Variants in PODXL2 observed in about 807,000 individuals in gnomAD.
PODXL2 encodes podocalyxin-like protein 2.
PODXL2 carries 17 observed loss-of-function variants against 53.4 expected under a neutral mutation model. The ratio of observed to expected loss-of-function variants is 0.32; its 90% CI spans 0.22 to 0.48. The LOEUF (loss-of-function observed/expected upper bound fraction) is 0.48. PODXL2 is among the 20% of genes least tolerant of loss of function. The pLI is 0.99. For missense variants in PODXL2, 673 were observed against 760.0 expected (o/e 0.89, Z 1.35); for synonymous variants, 311 against 306.7 (o/e 1.01, Z -0.15).
Position 127,672,417 on chromosome 3 carries a change from G to T in PODXL2, c.1755G>T (p.Ala585=). 1 of 1,541,962 alleles carries T rather than the reference G, an allele frequency of 6.5e-7. No individual in the cohort carries two copies. The change falls in exon 8 of 8, where the codon GCG becomes GCT. Residue 585 remains alanine, a synonymous_variant. Transcript: ENST00000342480. ...TCAACGGCCCGGGGAGCTGGGGGGC[G>T]CTCATGGGGGGCAAGCGGGACCCCG... The part of the protein sequence containing the change: ...GALNGPGSWG[A]LMGGKRDPED...
At chr3:127,649,294 A>G (rs763555219) in intron 2 of PODXL2, among the ~76,000 whole-genome samples, 3 of 152,224 alleles carry the variant, frequency 2.0e-5, no homozygotes, top group African/African-American at 7.2e-5. Flanking sequence ...TTCTTTGGGC[A>G]GTCCCCTGCC....
Position 127,653,047 on chromosome 3 carries a change from C to T in PODXL2, c.350-7331C>T, listed in dbSNP as rs139476608. Among the ~76,000 whole-genome samples the T allele has an allele frequency of 5.3e-3, 803 of 152,276 alleles. 5 individuals are homozygous for T. The highest frequency in any genetic ancestry group is 0.041 in the Middle Eastern group (12 of 294). The stretch of plus-strand genomic sequence containing the variant: ...TCTCCCTCCTTTTCCTGCTCAGCTT[C>T]ACTTCTTTGTTTCTCTTCTTCCATT... On this transcript the variant is annotated intron_variant, in intron 2 of 7. Transcript: ENST00000342480.
chr3:127,639,607 A>G lies in PODXL2; in HGVS notation c.349+84A>G. ...ACCAGGTGACCATTTCCTTGCCAGA[A>G]GCATCTCTTCTCTCTCCCTACAGTT... On this transcript the variant is annotated intron_variant, in intron 2 of 7. Transcript: ENST00000342480. 2.3e-6 allele frequency: 3 copies of G among 1,289,234 alleles called. No individual in the cohort carries two copies. The South Asian group carries it at 4.2e-5, about 18-fold the overall frequency. The allele number at this position is 1,289,234 out of a possible 1,614,324, so 79.9% of individuals were successfully genotyped here.
intron 4 of PODXL2, among the ~76,000 whole-genome samples, chr3:127,664,832 G>C (rs1483485573): frequency 6.6e-6 from 1 of 152,016 alleles, no homozygotes; most frequent in Non-Finnish European, 1.5e-5. Context: ...CTGATGATTG[G>C]TGATGTTGAG....
At chr3:127,640,974 G>A (rs979181592) in intron 2 of PODXL2, among the ~76,000 whole-genome samples, 4 of 152,080 alleles carry the variant, frequency 2.6e-5, no homozygotes, top group Admixed American at 1.3e-4. Context: ...GTGCAGTGGC[G>A]TGACCTTGGC....
chr3:127,649,756 G>A (rs2074677487), intron 2 of PODXL2, among the ~76,000 whole-genome samples: 2 of 152,192 alleles, frequency 1.3e-5, no homozygotes, highest in East Asian at 1.9e-4. Flanking sequence ...GGCCAACATG[G>A]TGAAACCCCG....
intron 2 of PODXL2, 72 bp downstream of exon 2, chr3:127,639,595 T>G (rs2074601525): frequency 7.2e-7 from 1 of 1,384,642 alleles, no homozygotes; most frequent in Admixed American, 2.2e-5. Context: ...AGGTGACCAT[T>G]TCCTTGCCAG....
At chr3:127,662,139 C>A in intron 3 of PODXL2, 98 bp from the exon 4 acceptor site, 2 of 997,624 alleles carry the variant, frequency 2.0e-6, no homozygotes, top group South Asian at 1.3e-5. Context: ...CTGGCCTCCA[C>A]CTTCCAGCTT....
At position 127,639,265 on chromosome 3, in the gene PODXL2, G is replaced by A; in HGVS notation, c.91G>A (p.Val31Met). Residue 31 changes from valine (V) to methionine (M), a missense_variant, in exon 2 of 8, where the codon GTG (valine) becomes ATG (methionine). Physicochemically the swap from Val to Met is conservative, Grantham distance 21 (BLOSUM62 1). Transcript: ENST00000342480. ...CACAGGAGCGTTCCTGGGTGCCTGT[G>A]TGGCTGGGTCTGATGAGCCTGGCCC... Reference protein sequence around the residue: ...LVGGAFLGACVAGSDEPGPEG... With the variant: ...LVGGAFLGACMAGSDEPGPEG... 1 of 1,607,976 alleles carries A rather than the reference G, an allele frequency of 6.2e-7. No homozygotes were observed. The highest frequency in any genetic ancestry group is 8.5e-7 in the Non-Finnish European group (1 of 1,178,224).
At chr3:127,641,199 AC>A (rs1322635441) in intron 2 of PODXL2, among the ~76,000 whole-genome samples, 1 of 152,060 alleles carries the variant, frequency 6.6e-6, no homozygotes, top group Non-Finnish European at 1.5e-5. Flanking sequence ...GGTCTGAGCC[AC>A]CGCACCCGGA....
intron 4 of PODXL2, among the ~76,000 whole-genome samples, chr3:127,664,838 T>C (rs1241145808): frequency 6.6e-6 from 1 of 152,164 alleles, no homozygotes; most frequent in Admixed American, 6.5e-5. Context: ...ATTGGTGATG[T>C]TGAGCATTAG....
intron 2 of PODXL2, among the ~76,000 whole-genome samples, chr3:127,640,906 CAT>C (rs1193201740): frequency 1.3e-5 from 2 of 151,976 alleles, no homozygotes; most frequent in African/African-American, 2.4e-5. Flanking sequence ...GATTTTTAAA[CAT>C]GTTATTATTT....
At position 127,672,708 on chromosome 3, in the gene PODXL2, C is replaced by T; in HGVS notation, c.*228C>T. The stretch of plus-strand genomic sequence containing the variant: ...TCAAAGCCCGCCTTGGCCCCGCTTT[C>T]CCGCCCCTGAACCCCGGCCCCGCGG... On this transcript the variant is annotated 3_prime_UTR_variant, in exon 8 of 8. Transcript: ENST00000342480. The T allele has an allele frequency of 2.3e-6, 1 of 438,964 alleles. No individual in the cohort carries two copies. Among genetic ancestry groups the T allele is most frequent in the Non-Finnish European group, 3.9e-6 (1 of 253,350 alleles). The allele number at this position is 438,964 out of a possible 1,614,324, so 27.2% of individuals were successfully genotyped here.
intron 1 of PODXL2, among the ~76,000 whole-genome samples, chr3:127,637,797 A>T (rs1335974439): frequency 6.6e-6 from 1 of 152,194 alleles, no homozygotes; most frequent in Non-Finnish European, 1.5e-5. Flanking sequence ...GCTGCTGCAC[A>T]GTGTGCACAG....
At position 127,662,230 on chromosome 3, in the gene PODXL2, C is replaced by T. The variant is rs374091743; in HGVS notation, c.1132-7C>T. 24 of 1,611,882 alleles carry T rather than the reference C, an allele frequency of 1.5e-5. No homozygotes were observed. Among genetic ancestry groups the T allele is most frequent in the Middle Eastern group, 3.3e-4 (2 of 6,082 alleles). ...ACTGTCGCCCTTCTTTCTGTCTCCT[C>T]GCACAGGTGATCTGCAAGGACTGGA... On this transcript the variant is annotated splice_region_variant and splice_polypyrimidine_tract_variant and intron_variant, in intron 3 of 7. Transcript: ENST00000342480.
In PODXL2 at chr3:127,668,518, C is replaced by A; in HGVS notation, c.1284C>A (p.His428Gln). The A allele has an allele frequency of 6.3e-7, 1 of 1,579,688 alleles. No homozygotes were observed. The highest frequency in any genetic ancestry group is 8.6e-7 in the Non-Finnish European group (1 of 1,163,672). Residue 428 changes from histidine (H) to glutamine (Q), a missense_variant, in exon 5 of 8, where the codon CAC (histidine) becomes CAA (glutamine). This residue lies in a region of PODXL2 where 588 missense variants were observed against 668.3 expected (regional missense o/e 0.88). Coordinates refer to ENST00000342480, the MANE Select transcript of PODXL2 (RefSeq NM_015720.4). ...TGCTGCCCCGCCATGGCAGTGGCCA[C>A]CATGGGGCCTGGCACATCTCTCTGA... The part of the protein sequence containing the change: ...EEVLPRHGSG[H>Q]HGAWHISLSK...
intron 2 of PODXL2, among the ~76,000 whole-genome samples, chr3:127,654,598 A>T (rs989670713): frequency 2.0e-5 from 3 of 152,230 alleles, no homozygotes; most frequent in Non-Finnish European, 4.4e-5. Flanking sequence ...TCAACAGATG[A>T]GTAATCCCCT....
intron 2 of PODXL2, among the ~76,000 whole-genome samples, chr3:127,644,793 C>T (rs1576428696): frequency 6.6e-6 from 1 of 152,314 alleles, no homozygotes; most frequent in Non-Finnish European, 1.5e-5. Context: ...AATCACCCTA[C>T]CCAGGATGGG....
At chr3:127,656,739 A>G (rs2074727465) in intron 2 of PODXL2, among the ~76,000 whole-genome samples, 1 of 123,388 alleles carries the variant, frequency 8.1e-6, no homozygotes, top group African/African-American at 3.5e-5. Flanking sequence ...CATCTCAAAA[A>G]AAAAAAAAAA....
Sources: allele counts gnomAD v4.1 joint callset (sites outside exome capture counted in the v4.1 genomes callset), GRCh38; gene constraint gnomAD v4.1.1; regional missense constraint gnomAD v4.1.1; transcripts MANE v1.5; gene names NCBI Gene and HGNC (gene_info 2026-07-23, HGNC 2026-07-21).